TMEM132B: variants seen among roughly 807,000 people sequenced by gnomAD.
The protein encoded by TMEM132B is transmembrane protein 132B.
TMEM132B carries 18 observed loss-of-function variants against 90.8 expected under a neutral mutation model. That is an observed-to-expected ratio of 0.20 (90% CI 0.14 to 0.29). The LOEUF (loss-of-function observed/expected upper bound fraction) is 0.29, where lower values mean the gene tolerates loss of function less well. TMEM132B is among the 10% of genes least tolerant of loss of function. The pLI is 1.00. For synonymous variants in TMEM132B, 504 were observed against 523.3 expected (o/e 0.96, Z 0.50); for missense variants, 1,096 against 1,326.8 (o/e 0.83, Z 2.70).
intron 3 of TMEM132B, among the ~76,000 whole-genome samples, chr12:125,487,095 T>C (rs1297472239): frequency 6.6e-6 from 1 of 152,226 alleles, no homozygotes; most frequent in Non-Finnish European, 1.5e-5. Flanking sequence ...CTTTTTACTT[T>C]GAAATACTAT....
At chr12:125,446,598 T>G (rs922062866) in intron 3 of TMEM132B, among the ~76,000 whole-genome samples, 1 of 152,192 alleles carries the variant, frequency 6.6e-6, no homozygotes, top group Non-Finnish European at 1.5e-5. Flanking sequence ...AATAAATGTA[T>G]TTTAGGGTTG....
intron 2 of TMEM132B, among the ~76,000 whole-genome samples, chr12:125,398,876 G>T (rs556878757): frequency 6.6e-6 from 1 of 152,170 alleles, no homozygotes; most frequent in Non-Finnish European, 1.5e-5. Flanking sequence ...TGCAGCCCAG[G>T]TGTTGTCTGG....
chr12:125,533,647 C>T (rs1291058624), intron 4 of TMEM132B, among the ~76,000 whole-genome samples: 6 of 147,936 alleles, frequency 4.1e-5, no homozygotes, highest in Non-Finnish European at 9.1e-5. Flanking sequence ...CGCCGCAGAC[C>T]GGCTTGTACA....
rs1882306766 is a variant in TMEM132B, at chr12:125,490,011, A to G, written c.1107-29428A>G. ...CACTCTTCAAACTTATCAGTTATCA[A>G]TTAAAAATAATTATCTATTGTTTAG... On this transcript the variant is annotated intron_variant, in intron 3 of 8. Transcript: ENST00000682704. This position sits in a 1 kb window ranked among gnomAD's most constrained non-coding sequence, Gnocchi z 4.2. Among the ~76,000 whole-genome samples, 1 of 152,186 alleles carries G rather than the reference A, an allele frequency of 6.6e-6. No individual in the cohort carries two copies.
intron 5 of TMEM132B, among the ~76,000 whole-genome samples, chr12:125,601,639 A>G (rs1885573848): frequency 6.6e-6 from 1 of 152,202 alleles, no homozygotes; most frequent in South Asian, 2.1e-4. Flanking sequence ...GGAGATAGAG[A>G]CATGAATAAC....
At chr12:125,478,924 C>G (rs1297296037) in intron 3 of TMEM132B, among the ~76,000 whole-genome samples, 3 of 152,148 alleles carry the variant, frequency 2.0e-5, no homozygotes, top group African/African-American at 7.2e-5. Context: ...CGGCAGAAAC[C>G]CTACAAGCCA....
At position 125,432,528 on chromosome 12, in the gene TMEM132B, T is replaced by TATATATAGAGAGAG. The variant is rs1458075923; in HGVS notation, c.1106+16852_1106+16853insTATATAGAGAGAGA. On this transcript the variant is annotated intron_variant, in intron 3 of 8. Coordinates refer to ENST00000682704, the MANE Select transcript of TMEM132B (RefSeq NM_001366854.1). Reference sequence around the variant, plus strand: ...GTGTGTGTGTATATATATATATATATAGAGAGAGAGAGAGAGAGAGAGAGA... The same window carrying TATATATAGAGAGAG: ...GTGTGTGTGTATATATATATATATATATATATAGAGAGAGAGAGAGAGAGAGAGAGAGAGAGAGA... 3.1e-4 allele frequency among the ~76,000 whole-genome samples: 12 copies of TATATATAGAGAGAG among 39,124 alleles called. 4 individuals are homozygous for TATATATAGAGAGAG. Among genetic ancestry groups the TATATATAGAGAGAG allele is most frequent in the African/African-American group, 1.4e-3 (11 of 8,060 alleles). The allele number at this position is 39,124 out of a possible 152,430, so 25.7% of individuals were successfully genotyped here.
At chr12:125,579,921 C>T (rs879552399) in intron 4 of TMEM132B, among the ~76,000 whole-genome samples, 19 of 152,068 alleles carry the variant, frequency 1.2e-4, no homozygotes, top group Non-Finnish European at 2.2e-4. Flanking sequence ...CTCCTTCCCT[C>T]CCCAAGTTTG....
chr12:125,307,443 C>A, intron 1 of TMEM132B, among the ~76,000 whole-genome samples: 1 of 152,100 alleles, frequency 6.6e-6, no homozygotes, highest in East Asian at 1.9e-4. Flanking sequence ...GGGATCCTTC[C>A]TGTAAAATAG....
At chr12:125,557,052 C>T (rs374490258) in intron 4 of TMEM132B, among the ~76,000 whole-genome samples, 54 of 152,184 alleles carry the variant, frequency 3.5e-4, no homozygotes, top group African/African-American at 1.1e-3. Context: ...TTGTGTGTGG[C>T]AGGTTCTTAG....
rs1239435024 is a variant in TMEM132B, at chr12:125,415,429, C to T, written c.960-102C>T. 5 of 1,407,360 alleles carry T rather than the reference C, an allele frequency of 3.6e-6. No homozygotes were observed. The highest frequency in any genetic ancestry group is 1.4e-5 in the African/African-American group (1 of 69,222). 87.2% of individuals were successfully genotyped at this position (1,407,360 alleles called of 1,614,324 possible). On this transcript the variant is annotated intron_variant, in intron 2 of 8. Coordinates refer to ENST00000682704, the MANE Select transcript of TMEM132B (RefSeq NM_001366854.1). The surrounding 1 kb of genome is among the most constrained non-coding windows in gnomAD (Gnocchi z 5.3). ...CTCCCAGAGGAAGGGGGCGATGTTA[C>T]AGATGCTTTCCCAGTGATCTGCTCT...
intron 1 of TMEM132B, among the ~76,000 whole-genome samples, chr12:125,289,879 A>G (rs1271578599): frequency 6.6e-6 from 1 of 152,192 alleles, no homozygotes; most frequent in Non-Finnish European, 1.5e-5. Flanking sequence ...CAGCAGTCTC[A>G]AAAGTCCTCA....
chr12:125,497,296 G>C (rs1882586588), intron 3 of TMEM132B, among the ~76,000 whole-genome samples: 1 of 152,254 alleles, frequency 6.6e-6, no homozygotes, highest in African/African-American at 2.4e-5. Context: ...ATTTTCAACT[G>C]AAGGATGCCA....
intron 1 of TMEM132B, among the ~76,000 whole-genome samples, chr12:125,229,786 C>G (rs1255973071): frequency 3.3e-5 from 5 of 152,344 alleles, no homozygotes; most frequent in African/African-American, 4.8e-5. Context: ...CATGAGATAT[C>G]AGGATGGCTG....
chr12:125,368,538 T>C (rs998251005), intron 2 of TMEM132B, among the ~76,000 whole-genome samples: 10 of 152,116 alleles, frequency 6.6e-5, no homozygotes, highest in African/African-American at 1.9e-4. Flanking sequence ...TTGTATGGAG[T>C]CATGATTTCC....
chr12:125,539,963 A>G (rs976864075), intron 4 of TMEM132B, among the ~76,000 whole-genome samples: 12 of 152,262 alleles, frequency 7.9e-5, no homozygotes, highest in Middle Eastern at 3.4e-3. Flanking sequence ...TTTCTCCCCT[A>G]TAGACATTTA....
At chr12:125,226,025 A>G (rs1004527186) in intron 1 of TMEM132B, among the ~76,000 whole-genome samples, 4 of 152,212 alleles carry the variant, frequency 2.6e-5, no homozygotes, top group Non-Finnish European at 4.4e-5. Flanking sequence ...TCTGATGGAC[A>G]TTTGCACTAT....
intron 1 of TMEM132B, among the ~76,000 whole-genome samples, chr12:125,222,723 G>T (rs1460885295): frequency 1.3e-5 from 2 of 152,150 alleles, no homozygotes; most frequent in Non-Finnish European, 2.9e-5. Context: ...GCTGTCCTGG[G>T]AATTGTAGGA....
intron 5 of TMEM132B, among the ~76,000 whole-genome samples, chr12:125,590,405 A>C (rs1431636161): frequency 6.6e-6 from 1 of 152,234 alleles, no homozygotes; most frequent in Non-Finnish European, 1.5e-5. Context: ...GAATGAATGA[A>C]TGCTAGAGCT....
Sources: allele counts gnomAD v4.1 joint callset (sites outside exome capture counted in the v4.1 genomes callset), GRCh38; gene constraint gnomAD v4.1.1; non-coding constraint Gnocchi (gnomAD v3.1); transcripts MANE v1.5; gene names NCBI Gene and HGNC (gene_info 2026-07-23, HGNC 2026-07-21).